MDM1: variants seen among roughly 807,000 people sequenced by gnomAD.
MDM1 encodes the protein Mdm1 nuclear protein.
A neutral mutation model predicts 89.1 loss-of-function variants in MDM1; 61 were observed. That is an observed-to-expected ratio of 0.68 (90% CI 0.56 to 0.85). The LOEUF (loss-of-function observed/expected upper bound fraction) is 0.85, where lower values mean the gene tolerates loss of function less well. MDM1 is among the 40% of genes least tolerant of loss of function. The pLI is 0.00. For synonymous variants in MDM1, 290 were observed against 294.1 expected, an observed-to-expected ratio of 0.99 and a Z score of 0.14; for missense variants, 820 against 846.5, an observed-to-expected ratio of 0.97 and a Z score of 0.39.
intron 9 of MDM1, among the ~76,000 whole-genome samples, chr12:68,315,849 AT>A (rs1592973853): frequency 1.3e-5 from 2 of 152,216 alleles, no homozygotes; most frequent in South Asian, 2.1e-4. Flanking sequence ...CCAACAAAAA[AT>A]ATTATAAAAA....
chr12:68,311,315 T>C (rs1239647374), intron 12 of MDM1, among the ~76,000 whole-genome samples: 1 of 152,116 alleles, frequency 6.6e-6, no homozygotes, highest in East Asian at 1.9e-4. Context: ...TGGCCTAAAA[T>C]ATCCCACATT....
Position 68,326,761 on chromosome 12 carries a change from A to C in MDM1, c.394T>G (p.Ser132Ala), listed in dbSNP as rs920371192. ...ACACCCTCATTATTTTCCACATCTG[A>C]AGCCCCTTCAGCTCTGGAGTCTGCA... ...HSADSRAEGA[S>A]DVENNEGVTN... Residue 132 changes from serine (S) to alanine (A), a missense_variant, in exon 3 of 15, where the codon TCA (serine) becomes GCA (alanine). Transcript: ENST00000682720. 3.7e-6 allele frequency: 6 copies of C among 1,613,920 alleles called. No individual in the cohort carries two copies. The African/African-American group carries it at 8.0e-5, about 22-fold the overall frequency.
intron 3 of MDM1, chr12:68,325,898 G>C: frequency 2.0e-6 from 2 of 1,007,356 alleles, no homozygotes; most frequent in Non-Finnish European, 2.4e-6. Flanking sequence ...CCAGCACTTT[G>C]CCTCACCTGC....
intron 7 of MDM1, among the ~76,000 whole-genome samples, chr12:68,320,122 C>T (rs1358427678): frequency 1.3e-5 from 2 of 152,218 alleles, no homozygotes; most frequent in African/African-American, 4.8e-5. Context: ...ACATACTGTT[C>T]TGCCTCTGTC....
chr12:68,325,155 A>G (rs1338872364), intron 4 of MDM1: 1 of 1,023,720 alleles, frequency 9.8e-7, no homozygotes, highest in African/African-American at 1.7e-5. Flanking sequence ...AAAATCTTGT[A>G]GCATGCAAAA....
At chr12:68,308,315 A>G (rs996234627) in intron 12 of MDM1, among the ~76,000 whole-genome samples, 1 of 152,060 alleles carries the variant, frequency 6.6e-6, no homozygotes, top group Non-Finnish European at 1.5e-5. Flanking sequence ...TAGTAGAGAC[A>G]GGGTTTCACT....
intron 2 of MDM1, among the ~76,000 whole-genome samples, chr12:68,329,862 G>C (rs1876536363): frequency 6.6e-6 from 1 of 152,220 alleles, no homozygotes; most frequent in South Asian, 2.1e-4. Flanking sequence ...GAGGAGGCAT[G>C]TGTGATAACA....
chr12:68,299,303 A>C (rs1462401497), intron 13 of MDM1, among the ~76,000 whole-genome samples: 2 of 152,172 alleles, frequency 1.3e-5, no homozygotes, highest in Admixed American at 6.5e-5. Flanking sequence ...AAATCTTTGA[A>C]ATACCAGATA....
In MDM1 at chr12:68,313,685, C is replaced by T. The variant is rs1874024819; in HGVS notation, c.1598G>A (p.Gly533Glu). The change falls in exon 11 of 15, where the codon GGA becomes GAA. Residue 533 changes from glycine to glutamate, a missense_variant. Physicochemically the swap from Gly to Glu is moderately conservative, Grantham distance 98 (BLOSUM62 -2). Transcript: ENST00000682720. ...GAGATCATGATGAGTCCTCTGGATT[C>T]CACCAAGTTCTCTCAGCTTGGGAGT... Reference protein sequence around the residue: ...LPTPKLRELGGIQRTHHDLTT... With the variant: ...LPTPKLRELGEIQRTHHDLTT... The T allele has an allele frequency of 1.2e-6, 2 of 1,614,178 alleles. No homozygotes were observed. The highest frequency in any genetic ancestry group is 1.3e-5 in the African/African-American group (1 of 75,040).
chr12:68,329,778 C>CA (rs953672742), intron 2 of MDM1, among the ~76,000 whole-genome samples: 35 of 152,270 alleles, frequency 2.3e-4, no homozygotes, highest in African/African-American at 8.2e-4. Flanking sequence ...ATAATGAGGT[C>CA]AGTCTGTCTC....
At chr12:68,304,444 A>C (rs1378695254) in intron 12 of MDM1, among the ~76,000 whole-genome samples, 2 of 152,190 alleles carry the variant, frequency 1.3e-5, no homozygotes, top group Admixed American at 1.3e-4. Context: ...TTATTGCTTC[A>C]AACTGGCCTA....
intron 2 of MDM1, 38 bp downstream of exon 2, chr12:68,331,069 A>T: frequency 8.4e-7 from 1 of 1,183,806 alleles, no homozygotes; most frequent in Non-Finnish European, 1.3e-6. Flanking sequence ...TTATAAACTT[A>T]GCCCAGGTTA....
chr12:68,330,134 T>C (rs1196171952), intron 2 of MDM1, among the ~76,000 whole-genome samples: 1 of 152,198 alleles, frequency 6.6e-6, no homozygotes, highest in Non-Finnish European at 1.5e-5. Flanking sequence ...CCGCATGTTA[T>C]GTATCACACT....
At chr12:68,332,193 C>G in intron 1 of MDM1, 35 bp downstream of exon 1, 2 of 1,533,838 alleles carry the variant, frequency 1.3e-6, no homozygotes, top group African/African-American at 1.4e-5. Context: ...ATGGCTCCCC[C>G]CAGCCACATT....
At chr12:68,307,782 A>G (rs531372413) in intron 12 of MDM1, among the ~76,000 whole-genome samples, 154 of 152,044 alleles carry the variant, frequency 1.0e-3, no homozygotes, top group African/African-American at 3.5e-3. Context: ...TACTAAAAAT[A>G]CAAAAATTAG....
intron 4 of MDM1, 185 bp downstream of exon 4, chr12:68,325,256 G>C: frequency 8.1e-7 from 1 of 1,241,580 alleles, no homozygotes; most frequent in Non-Finnish European, 1.0e-6. Flanking sequence ...GCCTAGGACA[G>C]TATAATATTA....
At position 68,322,946 on chromosome 12, in the gene MDM1, T is replaced by C. The variant is rs574563827; in HGVS notation, c.801+127A>G. Reference sequence around the variant, plus strand: ...TCCTAGTAGCTGGCTCAATGAACATTTGATGAACAAATGAATTAATGAACT... The same window carrying C: ...TCCTAGTAGCTGGCTCAATGAACATCTGATGAACAAATGAATTAATGAACT... On this transcript the variant is annotated intron_variant, in intron 5 of 14. Coordinates refer to ENST00000682720, the MANE Select transcript of MDM1 (RefSeq NM_001354969.2). 222 of 838,078 alleles carry C rather than the reference T, an allele frequency of 2.6e-4. 2 individuals are homozygous for C. The Middle Eastern group carries it at 2.7e-3, about 10-fold the overall frequency. The allele number at this position is 838,078 out of a possible 1,614,324, so 51.9% of individuals were successfully genotyped here.
At chr12:68,330,735 T>C (rs1876672455) in intron 2 of MDM1, 1 of 172,490 alleles carries the variant, frequency 5.8e-6, no homozygotes, top group Non-Finnish European at 1.2e-5. Context: ...TGTCATGCTT[T>C]ATGGCCCAGG....
intron 8 of MDM1, 44 bp downstream of exon 8, chr12:68,316,537 A>G (rs1182873927): frequency 6.8e-7 from 1 of 1,467,562 alleles, no homozygotes; most frequent in Non-Finnish European, 9.2e-7. Flanking sequence ...AAATTACACA[A>G]GTAATCTATG....
Sources: gnomAD v4.1 joint callset for allele counts (sites outside exome capture counted in the v4.1 genomes callset) on GRCh38, gnomAD v4.1.1 for gene constraint, MANE v1.5 for transcripts, NCBI Gene and HGNC (gene_info 2026-07-23, HGNC 2026-07-21) for gene names.